FBXL7: variants seen among roughly 807,000 people sequenced by gnomAD.
The protein encoded by FBXL7 is F-box and leucine rich repeat protein 7, also known as F-box/LRR-repeat protein 7.
In FBXL7, 12 loss-of-function variants were observed where a neutral mutation model predicts 38.3. The ratio of observed to expected loss-of-function variants is 0.31; its 90% CI spans 0.20 to 0.51. The LOEUF (loss-of-function observed/expected upper bound fraction) is 0.51, where lower values mean the gene tolerates loss of function less well. Ranked by LOEUF, FBXL7 falls within the 20% of genes least tolerant of loss-of-function variation. The pLI is 0.98. For synonymous variants in FBXL7, 297 were observed against 300.9 expected (o/e 0.99, Z 0.13); for missense variants, 567 against 676.4 (o/e 0.84, Z 1.79).
At chr5:15,795,008 G>C (rs150465268) in intron 2 of FBXL7, among the ~76,000 whole-genome samples, 34 of 152,336 alleles carry the variant, frequency 2.2e-4, no homozygotes, top group African/African-American at 8.2e-4. Context: ...AACTGCTTAT[G>C]AAACTTTTAA....
At chr5:15,608,974 CTT>C (rs1740128150) in intron 1 of FBXL7, among the ~76,000 whole-genome samples, 1 of 152,148 alleles carries the variant, frequency 6.6e-6, no homozygotes, top group Non-Finnish European at 1.5e-5. Context: ...TGAAACAAGA[CTT>C]AGAGTTTGAC....
At chr5:15,898,305 C>T (rs553579102) in intron 2 of FBXL7, among the ~76,000 whole-genome samples, 3 of 152,252 alleles carry the variant, frequency 2.0e-5, no homozygotes, top group Admixed American at 6.5e-5. Context: ...TCCCCAGCCA[C>T]GTTCAAAATT....
At position 15,734,269 on chromosome 5, in the gene FBXL7, C is replaced by T. The variant is rs1049517076; in HGVS notation, c.127+118197C>T. ...CCAAAGCCATGCTGCCTCACCGTGG[C>T]GCTGTCCAAATGCTTCTGATGCTGT... On this transcript the variant is annotated intron_variant, in intron 2 of 3. Coordinates refer to ENST00000504595, the MANE Select transcript of FBXL7 (RefSeq NM_012304.5). Among the ~76,000 whole-genome samples the T allele has an allele frequency of 4.6e-5, 7 of 152,220 alleles. No homozygotes were observed. The South Asian group carries it at 1.2e-3, about 27-fold the overall frequency.
chr5:15,549,059 C>G (rs1737993583), intron 1 of FBXL7, among the ~76,000 whole-genome samples: 1 of 152,170 alleles, frequency 6.6e-6, no homozygotes, highest in Non-Finnish European at 1.5e-5. Flanking sequence ...TGTAGCGTTT[C>G]ATCTTGTAGC....
chr5:15,528,997 A>G (rs1737338452), intron 1 of FBXL7, among the ~76,000 whole-genome samples: 1 of 152,196 alleles, frequency 6.6e-6, no homozygotes, highest in African/African-American at 2.4e-5. Flanking sequence ...TGTGGTAACC[A>G]TGTTGTACGC....
chr5:15,831,165 T>C (rs1407470648), intron 2 of FBXL7, among the ~76,000 whole-genome samples: 1 of 152,206 alleles, frequency 6.6e-6, no homozygotes, highest in Non-Finnish European at 1.5e-5. Flanking sequence ...AAACTGCCTA[T>C]AACCTCACCC....
At chr5:15,704,374 G>A (rs1321085288) in intron 2 of FBXL7, among the ~76,000 whole-genome samples, 2 of 152,170 alleles carry the variant, frequency 1.3e-5, no homozygotes, top group Non-Finnish European at 2.9e-5. Context: ...TATGGGGGGT[G>A]TTAGTTACTA....
In FBXL7 at chr5:15,615,993, C is replaced by T. The variant is rs757634836; in HGVS notation, c.48C>T (p.Ser16=). ...GKQYGSEGKG[S]SSISSDVSSS... is the part of the protein sequence containing the mutation. ...TCCTGTTTCTTCCAGGCAAAGGCAG[C>T]TCGAGCATCTCATCTGACGTGAGTT... is the stretch of plus-strand genomic sequence containing the variant. The change falls in exon 2 of 4, where the codon AGC becomes AGT. Residue 16 remains serine, a synonymous_variant. Transcript: ENST00000504595. 2.5e-6 allele frequency: 4 copies of T among 1,612,148 alleles called. No individual in the cohort carries two copies. In the South Asian group the frequency reaches 4.4e-5, roughly 18 times the overall value.
chr5:15,864,372 T>C (rs1448536654), intron 2 of FBXL7, among the ~76,000 whole-genome samples: 1 of 151,994 alleles, frequency 6.6e-6, no homozygotes, highest in Non-Finnish European at 1.5e-5. Context: ...CCTAATCTTG[T>C]ACTTGGTGGT....
At chr5:15,756,483 C>A (rs1736299642) in intron 2 of FBXL7, among the ~76,000 whole-genome samples, 1 of 152,146 alleles carries the variant, frequency 6.6e-6, no homozygotes, top group South Asian at 2.1e-4. Flanking sequence ...TCTATTGCCG[C>A]CATTTGGAAA....
intron 2 of FBXL7, among the ~76,000 whole-genome samples, chr5:15,892,138 TG>T (rs1740928186): frequency 2.0e-5 from 3 of 152,168 alleles, no homozygotes; most frequent in Admixed American, 1.3e-4. Context: ...AGAGAAAGCC[TG>T]GGGGACAGGG....
intron 1 of FBXL7, among the ~76,000 whole-genome samples, chr5:15,575,734 C>G (rs1387049257): frequency 6.6e-6 from 1 of 152,200 alleles, no homozygotes; most frequent in African/African-American, 2.4e-5. Flanking sequence ...CATGCAATAA[C>G]ATAAGCAGAA....
At chr5:15,658,691 C>A (rs1342757577) in intron 2 of FBXL7, among the ~76,000 whole-genome samples, 1 of 152,052 alleles carries the variant, frequency 6.6e-6, no homozygotes, top group African/African-American at 2.4e-5. Flanking sequence ...ATCGATTGAG[C>A]AAGCAGGGGG....
intron 2 of FBXL7, among the ~76,000 whole-genome samples, chr5:15,871,258 C>G (rs1739949874): frequency 6.6e-6 from 1 of 152,152 alleles, no homozygotes; most frequent in African/African-American, 2.4e-5. Context: ...GCATCAACAT[C>G]AACAAAAAGG....
intron 1 of FBXL7, among the ~76,000 whole-genome samples, chr5:15,571,813 C>G (rs970944787): frequency 2.0e-5 from 3 of 151,998 alleles, no homozygotes; most frequent in Admixed American, 1.3e-4. Context: ...TTCAGCCGTG[C>G]CGTCGCAGAT....
intron 2 of FBXL7, among the ~76,000 whole-genome samples, chr5:15,633,048 G>A (rs1435770539): frequency 6.6e-6 from 1 of 152,172 alleles, no homozygotes; most frequent in Non-Finnish European, 1.5e-5. Flanking sequence ...GTTTAATGAT[G>A]TGGGAAAATA....
At chr5:15,575,637 C>T (rs534606807) in intron 1 of FBXL7, among the ~76,000 whole-genome samples, 6 of 152,204 alleles carry the variant, frequency 3.9e-5, no homozygotes, top group Admixed American at 3.9e-4. Context: ...TTTCTTTGTG[C>T]TTGGTTTTTG....
At chr5:15,666,210 C>G (rs1742271498) in intron 2 of FBXL7, among the ~76,000 whole-genome samples, 1 of 152,042 alleles carries the variant, frequency 6.6e-6, no homozygotes, top group Admixed American at 6.6e-5. Context: ...GGTTGTAATT[C>G]TGAGTTGTGT....
intron 1 of FBXL7, among the ~76,000 whole-genome samples, chr5:15,510,554 G>A (rs1255922280): frequency 6.6e-6 from 1 of 152,108 alleles, no homozygotes; most frequent in African/African-American, 2.4e-5. Context: ...GCTGAGGGAG[G>A]GGAGGAAGAA....
Sources: gnomAD v4.1 joint callset for allele counts (sites outside exome capture counted in the v4.1 genomes callset) on GRCh38, gnomAD v4.1.1 for gene constraint, MANE v1.5 for transcripts, NCBI Gene and HGNC (gene_info 2026-07-23, HGNC 2026-07-21) for gene names.